The following CCAR1 variants were observed in gnomAD, a reference collection of about 807,000 sequenced individuals.
The protein encoded by CCAR1 is cell division cycle and apoptosis regulator 1.
In CCAR1, 78 loss-of-function variants were observed where a neutral mutation model predicts 163.8. That is an observed-to-expected ratio of 0.48 (90% CI 0.40 to 0.57). The LOEUF (loss-of-function observed/expected upper bound fraction) is 0.57. Among genes scored for constraint, CCAR1 ranks in the 20% least tolerant of loss-of-function variants. The pLI is 0.00. For synonymous variants in CCAR1, 443 were observed against 460.7 expected (o/e 0.96, Z 0.49); for missense variants, 1,019 against 1,365.2 (o/e 0.75, Z 4.00).
At chr10:68,784,547 G>A (rs982364251) in intron 19 of CCAR1, among the ~76,000 whole-genome samples, 7 of 152,036 alleles carry the variant, frequency 4.6e-5, no homozygotes, top group African/African-American at 1.7e-4. Flanking sequence ...TATTCTGTGG[G>A]TCAGATGCTA....
intron 18 of CCAR1, 37 bp downstream of exon 18, chr10:68,771,482 A>C: frequency 6.6e-7 from 1 of 1,516,378 alleles, no homozygotes; most frequent in Admixed American, 2.1e-5. Flanking sequence ...GCTTTCAGTT[A>C]CTCTTCTAGG....
At chr10:68,729,194 T>C (rs1254255721) in intron 2 of CCAR1, among the ~76,000 whole-genome samples, 1 of 152,122 alleles carries the variant, frequency 6.6e-6, no homozygotes, top group African/African-American at 2.4e-5. Flanking sequence ...ATCATAACAC[T>C]TGTAATAGGT....
chr10:68,782,055 A>T (rs1292975033), intron 19 of CCAR1, among the ~76,000 whole-genome samples: 2 of 152,182 alleles, frequency 1.3e-5, no homozygotes, highest in African/African-American at 4.8e-5. Flanking sequence ...TCCAGTGAAC[A>T]TGCAAATGGT....
At chr10:68,790,011 T>C in intron 24 of CCAR1, 96 bp downstream of exon 24, 1 of 743,204 alleles carries the variant, frequency 1.3e-6, no homozygotes, top group Non-Finnish European at 2.1e-6. Context: ...TTAGTGATTA[T>C]TCTAAAAGCA....
chr10:68,745,744 G>A (rs375516205), intron 6 of CCAR1, among the ~76,000 whole-genome samples: 35 of 151,704 alleles, frequency 2.3e-4, no homozygotes, highest in East Asian at 9.7e-4. Context: ...GATTACAGGC[G>A]TGAGCCACAA....
At chr10:68,788,379 C>T (rs1043482472) in intron 23 of CCAR1, 51 bp downstream of exon 23, 4 of 1,342,742 alleles carry the variant, frequency 3.0e-6, no homozygotes, top group African/African-American at 1.5e-5. Context: ...TGCTGGGACA[C>T]GTATATGTTT....
At chr10:68,743,401 C>T (rs537425405) in intron 6 of CCAR1, among the ~76,000 whole-genome samples, 2 of 151,544 alleles carry the variant, frequency 1.3e-5, no homozygotes, top group Non-Finnish European at 2.9e-5. Flanking sequence ...CCCGACCTCA[C>T]GATCCACCTG....
At chr10:68,790,864 C>CAA (rs758116859) in intron 24 of CCAR1, among the ~76,000 whole-genome samples, 7 of 111,242 alleles carry the variant, frequency 6.3e-5, no homozygotes, top group Non-Finnish European at 1.3e-4. Flanking sequence ...GACTCTGTCT[C>CAA]AAAAAAAAAA....
intron 16 of CCAR1, among the ~76,000 whole-genome samples, 195 bp downstream of exon 16, chr10:68,761,387 A>C (rs1346546388): frequency 6.6e-6 from 1 of 151,820 alleles, no homozygotes; most frequent in Non-Finnish European, 1.5e-5. Flanking sequence ...GCTCACTGCA[A>C]CCTCCGCATC....
intron 10 of CCAR1, among the ~76,000 whole-genome samples, chr10:68,750,746 T>C: frequency 6.6e-6 from 1 of 152,124 alleles, no homozygotes; most frequent in South Asian, 2.1e-4. Flanking sequence ...TTAAAAGCAG[T>C]GTTCAGGGCT....
At chr10:68,754,598 C>A (rs1269101680) in intron 11 of CCAR1, 116 bp from the exon 12 acceptor site, 2 of 604,858 alleles carry the variant, frequency 3.3e-6, no homozygotes, top group Non-Finnish European at 5.7e-6. Context: ...TATAGTATTA[C>A]TTCCTATTTT....
chr10:68,776,458 T>A (rs2056668601), intron 19 of CCAR1, among the ~76,000 whole-genome samples: 1 of 151,980 alleles, frequency 6.6e-6, no homozygotes. Context: ...CCCAGCTACT[T>A]GGGAGGCTGA....
intron 10 of CCAR1, among the ~76,000 whole-genome samples, chr10:68,752,700 C>A (rs1314309302): frequency 3.9e-5 from 6 of 152,090 alleles, no homozygotes; most frequent in African/African-American, 1.4e-4. Context: ...TGAGACCTCA[C>A]CTCTACAAAA....
chr10:68,755,195 A>G, intron 12 of CCAR1, 175 bp from the exon 13 acceptor site: 3 of 765,310 alleles, frequency 3.9e-6, no homozygotes, highest in Non-Finnish European at 4.8e-6. Flanking sequence ...TGTAAATCCT[A>G]TTCCATTGCT....
intron 1 of CCAR1, chr10:68,721,525 C>T (rs1482334517): frequency 2.2e-6 from 1 of 445,636 alleles, no homozygotes; most frequent in Non-Finnish European, 4.5e-6. Flanking sequence ...CCCAGCGCCC[C>T]TCAGCCTCGG....
chr10:68,781,848 C>A (rs1193830983), intron 19 of CCAR1, among the ~76,000 whole-genome samples: 2 of 150,002 alleles, frequency 1.3e-5, no homozygotes, highest in African/African-American at 4.9e-5. Context: ...AACACTCTGT[C>A]TCAAAAATAA....
chr10:68,755,330 G>A lies in CCAR1; in HGVS notation c.1459-40G>A, dbSNP rs1416556571. 5 of 1,539,706 alleles carry A rather than the reference G, an allele frequency of 3.2e-6. No individual in the cohort carries two copies. The South Asian group carries it at 5.6e-5, about 17-fold the overall frequency. On this transcript the variant is annotated intron_variant, in intron 12 of 24. Coordinates refer to ENST00000265872, the MANE Select transcript of CCAR1 (RefSeq NM_018237.4). ...AAGTATCTTATTGGTAATTTGACAG[G>A]GTGCGTAATATATGTAAATGATTCT...
At chr10:68,753,700 GTC>G (rs916857544) in intron 10 of CCAR1, 150 bp from the exon 11 acceptor site, 3 of 606,760 alleles carry the variant, frequency 4.9e-6, no homozygotes, top group African/African-American at 1.9e-5. Flanking sequence ...ATTTTCATAT[GTC>G]TCTATGCAAA....
At position 68,791,495 on chromosome 10, in the gene CCAR1, A is replaced by C. The variant is rs1468337249; in HGVS notation, c.*229A>C. 3.2e-6 allele frequency: 1 copy of C among 310,314 alleles called. No individual in the cohort carries two copies. Among genetic ancestry groups the C allele is most frequent in the East Asian group, 5.7e-5 (1 of 17,602 alleles). The allele number at this position is 310,314 out of a possible 1,614,324, so 19.2% of individuals were successfully genotyped here. On this transcript the variant is annotated 3_prime_UTR_variant, in exon 25 of 25. Transcript: ENST00000265872. ...TTGAGTGAAATAATTTTGCATTGCA[A>C]AGTGTTTTAGGATGAACTTTGTTAT...
Sources: allele counts gnomAD v4.1 joint callset (sites outside exome capture counted in the v4.1 genomes callset), GRCh38; gene constraint gnomAD v4.1.1; transcripts MANE v1.5; gene names NCBI Gene and HGNC (gene_info 2026-07-23, HGNC 2026-07-21).